STEAP3: variants seen among roughly 807,000 people sequenced by gnomAD.
The protein encoded by STEAP3 is metalloreductase STEAP3.
Under a neutral mutation model 34.9 loss-of-function variants are expected in STEAP3, and 35 were observed. The observed-to-expected ratio is 1.00, with a 90% CI of 0.76 to 1.33. The LOEUF (loss-of-function observed/expected upper bound fraction) is 1.33. STEAP3 is among the 40% of genes most tolerant of loss of function. The pLI is 0.00. For missense variants in STEAP3, 652 were observed against 667.6 expected, an observed-to-expected ratio of 0.98 and a Z score of 0.26; for synonymous variants, 281 against 301.6, an observed-to-expected ratio of 0.93 and a Z score of 0.71.
chr2:119,227,829 T>C (rs1679089103), intron 1 of STEAP3, among the ~76,000 whole-genome samples: 2 of 151,294 alleles, frequency 1.3e-5, no homozygotes, highest in South Asian at 4.2e-4. Flanking sequence ...TATTTATTTA[T>C]TTATTTATTT....
At chr2:119,246,061 A>G in intron 3 of STEAP3, 73 bp downstream of exon 3, 2 of 1,527,870 alleles carry the variant, frequency 1.3e-6, no homozygotes, top group South Asian at 1.3e-5. Flanking sequence ...TGCTGCCAGC[A>G]TGCTCTTTTT....
At chr2:119,257,195 GC>G (rs966436382) in intron 5 of STEAP3, among the ~76,000 whole-genome samples, 5 of 152,192 alleles carry the variant, frequency 3.3e-5, no homozygotes, top group Non-Finnish European at 5.9e-5. Context: ...GGAGTGTTTT[GC>G]ATGGTGTCGG....
At chr2:119,254,631 C>A in intron 4 of STEAP3, 53 bp from the exon 5 acceptor site, 1 of 1,605,194 alleles carries the variant, frequency 6.2e-7, no homozygotes. Context: ...ATTGCCCTCC[C>A]GGGGCACCAG....
chr2:119,253,360 T>C (rs900996724), intron 4 of STEAP3, among the ~76,000 whole-genome samples: 1 of 152,218 alleles, frequency 6.6e-6, no homozygotes, highest in African/African-American at 2.4e-5. Context: ...AAGCACTCAA[T>C]GGATGGCATT....
intron 2 of STEAP3, among the ~76,000 whole-genome samples, chr2:119,234,938 C>G (rs1306046192): frequency 6.6e-6 from 1 of 152,234 alleles, no homozygotes; most frequent in African/African-American, 2.4e-5. Flanking sequence ...TAGTAATGAA[C>G]TGTCCCAGTG....
At chr2:119,262,434 G>A (rs1268803395) in intron 5 of STEAP3, among the ~76,000 whole-genome samples, 2 of 152,066 alleles carry the variant, frequency 1.3e-5, no homozygotes, top group Non-Finnish European at 2.9e-5. Flanking sequence ...TAGTGCAGTG[G>A]CACAATCTTG....
rs1235960190 is a variant in STEAP3 at position 119,262,983 on chromosome 2, C to G, written c.1216-74C>G. On this transcript the variant is annotated intron_variant, in intron 5 of 5. Coordinates refer to ENST00000393110, the MANE Select transcript of STEAP3 (RefSeq NM_182915.3). ...CCCTCCTTCCCCTCCGCCAGGCCAG[C>G]AGATGAGTCGTTGGCAGGATCACTG... 1.9e-6 allele frequency: 3 copies of G among 1,565,624 alleles called. No individual in the cohort carries two copies. The African/African-American group carries it at 4.0e-5, about 21-fold the overall frequency.
chr2:119,226,007 C>A (rs1421432653), intron 1 of STEAP3, among the ~76,000 whole-genome samples: 1 of 152,238 alleles, frequency 6.6e-6, no homozygotes, highest in Non-Finnish European at 1.5e-5. Flanking sequence ...TCTTGTAGAC[C>A]GAACCACTAG....
intron 2 of STEAP3, among the ~76,000 whole-genome samples, chr2:119,241,863 T>C (rs1474977264): frequency 1.3e-5 from 2 of 152,194 alleles, no homozygotes; most frequent in Non-Finnish European, 2.9e-5. Context: ...TTGCTTCACT[T>C]TGGGCTGGTT....
In STEAP3 at chr2:119,245,988, G is replaced by A. The variant is rs769652442; in HGVS notation, c.522G>A (p.Gln174=). The change falls in exon 3 of 6, where the codon CAG becomes CAA. Residue 174 remains glutamine (Q), a splice_region_variant and synonymous_variant. Coordinates refer to ENST00000393110, the MANE Select transcript of STEAP3 (RefSeq NM_182915.3). ...LQAGPRDGNR[Q]VPICGDQPEA... ...CTGGCCCAAGGGATGGTAACAGGCA[G>A]GTAGGTTCTGGGGGAATAATACCCA... 138 of 1,610,100 alleles carry A rather than the reference G, an allele frequency of 8.6e-5. No homozygotes were observed. In the Admixed American group the frequency reaches 2.2e-3, roughly 26 times the overall value.
intron 2 of STEAP3, among the ~76,000 whole-genome samples, chr2:119,236,357 T>G (rs956125372): frequency 2.6e-5 from 4 of 152,308 alleles, no homozygotes; most frequent in East Asian, 1.9e-4. Context: ...GAAGGTGAAG[T>G]GACTTGGCCG....
chr2:119,249,270 C>A (rs1677550724), intron 4 of STEAP3, among the ~76,000 whole-genome samples: 1 of 137,048 alleles, frequency 7.3e-6, no homozygotes, highest in Admixed American at 7.2e-5. Context: ...TCAGGCCACA[C>A]CAGGTGGGGA....
chr2:119,241,026 G>C (rs1023090108), intron 2 of STEAP3, among the ~76,000 whole-genome samples: 11 of 151,852 alleles, frequency 7.2e-5, no homozygotes, highest in African/African-American at 2.7e-4. Flanking sequence ...AGTTAGAGAA[G>C]AGTACACACA....
Position 119,247,731 on chromosome 2 carries a change from C to T in STEAP3, c.575C>T (p.Ala192Val), listed in dbSNP as rs765399573. 25 of 1,578,874 alleles carry T rather than the reference C, an allele frequency of 1.6e-5. No individual in the cohort carries two copies. The highest frequency in any genetic ancestry group is 1.7e-4 in the Middle Eastern group (1 of 5,916). Residue 192 changes from alanine to valine, a missense_variant, in exon 4 of 6, where the codon GCG becomes GTG. By Grantham distance (64) the Ala-to-Val change is moderately conservative. Transcript: ENST00000393110. ...GCCAAGCGTGCTGTCTCGGAGATGG[C>T]GCTCGCCATGGGCTTCATGCCCGTG... Reference protein sequence around the residue: ...PEAKRAVSEMALAMGFMPVDM... With the variant: ...PEAKRAVSEMVLAMGFMPVDM...
chr2:119,246,399 C>T (rs181980924), intron 3 of STEAP3: 6 of 185,916 alleles, frequency 3.2e-5, no homozygotes, highest in East Asian at 2.6e-4. Flanking sequence ...CAAATTTTAT[C>T]GTATTTATTC....
intron 5 of STEAP3, among the ~76,000 whole-genome samples, chr2:119,261,420 C>T (rs866649905): frequency 6.6e-6 from 1 of 152,110 alleles, no homozygotes; most frequent in African/African-American, 2.4e-5. Flanking sequence ...GATGGGTCAT[C>T]GCTATTTCCA....
chr2:119,244,044 TAC>T, intron 2 of STEAP3, among the ~76,000 whole-genome samples: 1 of 152,306 alleles, frequency 6.6e-6, no homozygotes, highest in South Asian at 2.1e-4. Context: ...ATAATGTTCT[TAC>T]ATGCACCAGA....
chr2:119,247,971 T>A lies in STEAP3; in HGVS notation c.815T>A (p.Val272Glu), dbSNP rs1677493096. ...GTGGTCAACACCACACTGCCGTGCG[T>A]GGCCTACGTGCTGCTGTCACTCGTG... ...VSVVNTTLPC[V>E]AYVLLSLVYL... is the part of the protein sequence containing the mutation. The change falls in exon 4 of 6, where the codon GTG becomes GAG. Residue 272 changes from valine (V) to glutamate (E), a missense_variant. By Grantham distance (121) the Val-to-Glu change is moderately radical. Transcript: ENST00000393110. The A allele has an allele frequency of 1.2e-6, 2 of 1,613,158 alleles. No homozygotes were observed. Among genetic ancestry groups the A allele is most frequent in the Non-Finnish European group, 1.7e-6 (2 of 1,179,980 alleles).
At chr2:119,238,828 C>G (rs1677161194) in intron 2 of STEAP3, among the ~76,000 whole-genome samples, 1 of 152,126 alleles carries the variant, frequency 6.6e-6, no homozygotes, top group Admixed American at 6.5e-5. Flanking sequence ...ATTTCTGCCC[C>G]CAGAGGCTAC....
Sources: allele counts gnomAD v4.1 joint callset (sites outside exome capture counted in the v4.1 genomes callset), GRCh38; gene constraint gnomAD v4.1.1; transcripts MANE v1.5; gene names NCBI Gene and HGNC (gene_info 2026-07-23, HGNC 2026-07-21).